CADM1: variants seen among roughly 807,000 people sequenced by gnomAD.
CADM1 encodes TSLC-1.
CADM1 carries 15 observed loss-of-function variants against 53.1 expected under a neutral mutation model. That is an observed-to-expected ratio of 0.28 (90% CI 0.19 to 0.44). The LOEUF is 0.44. CADM1 is among the 20% of genes least tolerant of loss of function. CADM1 has a pLI of 1.00. For missense variants in CADM1, 434 were observed against 611.3 expected (o/e 0.71, Z 3.06); for synonymous variants, 281 against 243.0 (o/e 1.16, Z -1.45).
chr11:115,178,769 C>T lies in CADM1; in HGVS notation c.1172G>A (p.Arg391Gln), dbSNP rs771024754. 9.9e-6 allele frequency: 16 copies of T among 1,613,928 alleles called. No individual in the cohort carries two copies. Among genetic ancestry groups the T allele is most frequent in the Non-Finnish European group, 1.2e-5 (14 of 1,180,000 alleles). Reference protein sequence around the residue: ...ELDSEDLSDSRAGEEGSIRAV... With the variant: ...ELDSEDLSDSQAGEEGSIRAV... ...CCTGATCGAGCCTTCTTCACCTGCTCGGGAATCTGTTAAAATCAGAAGAGG... is the reference window on the plus strand; with the variant it reads ...CCTGATCGAGCCTTCTTCACCTGCTTGGGAATCTGTTAAAATCAGAAGAGG... The change falls in exon 11 of 12, where the codon CGA (arginine) becomes CAA (glutamine). Residue 391 changes from arginine to glutamine, a missense_variant. Physicochemically the swap from Arg to Gln is conservative, Grantham distance 43. Coordinates refer to ENST00000331581, the MANE Select transcript of CADM1 (RefSeq NM_001301043.2).
intron 1 of CADM1, among the ~76,000 whole-genome samples, chr11:115,342,538 A>G (rs1945476153): frequency 6.6e-6 from 1 of 152,148 alleles, no homozygotes; most frequent in South Asian, 2.1e-4. Context: ...GGCCCCAGTG[A>G]CAGAAATGGC....
chr11:115,199,343 G>A (rs1940313484), intron 8 of CADM1, among the ~76,000 whole-genome samples: 1 of 152,156 alleles, frequency 6.6e-6, no homozygotes, highest in Non-Finnish European at 1.5e-5. Flanking sequence ...AGGAGAGAGT[G>A]CAGTTTTTTG....
At chr11:115,263,713 T>A (rs1943043860) in intron 1 of CADM1, among the ~76,000 whole-genome samples, 1 of 152,162 alleles carries the variant, frequency 6.6e-6, no homozygotes, top group Non-Finnish European at 1.5e-5. Context: ...TTCTGTTATA[T>A]CCAGCATAAC....
At chr11:115,184,501 C>A (rs1170958465) in intron 10 of CADM1, among the ~76,000 whole-genome samples, 1 of 152,172 alleles carries the variant, frequency 6.6e-6, no homozygotes, top group African/African-American at 2.4e-5. Flanking sequence ...TAAATGTATA[C>A]AGTACATGCA....
intron 1 of CADM1, among the ~76,000 whole-genome samples, chr11:115,402,118 T>C (rs960747921): frequency 1.3e-5 from 2 of 152,182 alleles, no homozygotes. Context: ...TAAAAACCCT[T>C]GTGCATAGCA....
intron 1 of CADM1, among the ~76,000 whole-genome samples, chr11:115,443,947 T>C (rs530749209): frequency 2.8e-4 from 42 of 152,236 alleles, no homozygotes; most frequent in African/African-American, 9.6e-4. Flanking sequence ...AGACAAAAGG[T>C]GGTTGGTCGG....
At chr11:115,211,529 G>T (rs190177977) in intron 7 of CADM1, among the ~76,000 whole-genome samples, 4 of 144,340 alleles carry the variant, frequency 2.8e-5, no homozygotes, top group Non-Finnish European at 6.0e-5. Context: ...GCCCAGGCTG[G>T]AGTGCAGTGG....
At chr11:115,460,056 T>G (rs1038203845) in intron 1 of CADM1, among the ~76,000 whole-genome samples, 6 of 152,168 alleles carry the variant, frequency 3.9e-5, no homozygotes, top group African/African-American at 1.4e-4. Flanking sequence ...CCTAGCACCC[T>G]TTTTTTCTAG....
chr11:115,472,474 A>T (rs1949039086), intron 1 of CADM1, among the ~76,000 whole-genome samples: 1 of 152,240 alleles, frequency 6.6e-6, no homozygotes, highest in African/African-American at 2.4e-5. Flanking sequence ...TGTGAGAGAG[A>T]GTGCACATGC....
chr11:115,275,969 G>A (rs1943433575), intron 1 of CADM1, among the ~76,000 whole-genome samples: 1 of 152,166 alleles, frequency 6.6e-6, no homozygotes, highest in African/African-American at 2.4e-5. Context: ...AAGGTTAACA[G>A]AAGCTTAGTT....
intron 10 of CADM1, among the ~76,000 whole-genome samples, chr11:115,180,287 T>C (rs1939248687): frequency 6.6e-6 from 1 of 152,020 alleles, no homozygotes; most frequent in African/African-American, 2.4e-5. Flanking sequence ...TAAAATGGAG[T>C]ATTTAAAGTG....
intron 3 of CADM1, among the ~76,000 whole-genome samples, chr11:115,235,060 TAGA>T (rs1484009041): frequency 6.6e-6 from 1 of 152,082 alleles, no homozygotes; most frequent in East Asian, 1.9e-4. Context: ...TAGCTAAGGT[TAGA>T]AGAAGAAACA....
At chr11:115,180,479 G>C (rs1479076941) in intron 10 of CADM1, among the ~76,000 whole-genome samples, 1 of 152,148 alleles carries the variant, frequency 6.6e-6, no homozygotes, top group Non-Finnish European at 1.5e-5. Flanking sequence ...TGAGCTGAGC[G>C]AGCCCCTCCA....
chr11:115,222,296 T>C (rs1298731626), intron 5 of CADM1, among the ~76,000 whole-genome samples: 2 of 152,030 alleles, frequency 1.3e-5, no homozygotes, highest in Non-Finnish European at 2.9e-5. Flanking sequence ...AAGATTAACC[T>C]GAGATTTGGT....
At chr11:115,226,607 C>T (rs76870668) in intron 5 of CADM1, among the ~76,000 whole-genome samples, 1,548 of 152,210 alleles carry the variant, frequency 0.01, 29 homozygotes, top group African/African-American at 0.034. Context: ...CTCATGTATT[C>T]GAGTGTCTCT....
At chr11:115,231,545 C>T in intron 3 of CADM1, 55 bp from the exon 4 acceptor site, 2 of 1,558,046 alleles carry the variant, frequency 1.3e-6, no homozygotes, top group Non-Finnish European at 1.8e-6. Flanking sequence ...TGCATTGTTG[C>T]TATCAAAAAG....
intron 1 of CADM1, among the ~76,000 whole-genome samples, chr11:115,267,073 T>G (rs529785087): frequency 6.6e-6 from 1 of 152,330 alleles, no homozygotes; most frequent in Admixed American, 6.5e-5. Context: ...GATAAAACAC[T>G]GTTACTGTCT....
chr11:115,212,067 A>G (rs770573895), intron 7 of CADM1, among the ~76,000 whole-genome samples: 2 of 152,194 alleles, frequency 1.3e-5, no homozygotes, highest in Non-Finnish European at 2.9e-5. Context: ...AACAGGTAAA[A>G]TAACTTCAGT....
At chr11:115,337,135 A>C (rs964307982) in intron 1 of CADM1, among the ~76,000 whole-genome samples, 2 of 152,144 alleles carry the variant, frequency 1.3e-5, no homozygotes, top group Non-Finnish European at 2.9e-5. Context: ...GCTGAGTCCA[A>C]AGATGAAATT....
Sources: gnomAD v4.1 joint callset for allele counts (sites outside exome capture counted in the v4.1 genomes callset) on GRCh38, gnomAD v4.1.1 for gene constraint, MANE v1.5 for transcripts, NCBI Gene and HGNC (gene_info 2026-07-23, HGNC 2026-07-21) for gene names.